The following BCLAF3 variants were observed in gnomAD, a reference collection of about 807,000 sequenced individuals.
The protein encoded by BCLAF3 is BCLAF1 and THRAP3 family member 3, also known as transient octamer binding factor 1.
Under a neutral mutation model 51.2 loss-of-function variants are expected in BCLAF3, and 24 were observed. The ratio of observed to expected loss-of-function variants is 0.47; its 90% CI spans 0.34 to 0.66. The LOEUF is 0.66. Ranked by LOEUF, BCLAF3 falls within the 30% of genes least tolerant of loss-of-function variation. The pLI, the probability that BCLAF3 is intolerant of heterozygous loss-of-function variation, is 0.01. For synonymous variants in BCLAF3, 152 were observed against 176.6 expected (o/e 0.86, Z 1.10); for missense variants, 465 against 525.1 (o/e 0.89, Z 1.12).
chrX:19,986,158 T>C (rs1314511859), intron 1 of BCLAF3, among the ~76,000 whole-genome samples: 2 of 109,697 alleles, frequency 1.8e-5, no homozygotes, highest in African/African-American at 6.6e-5. Context: ...GATGAAAAAA[T>C]TTAAAAATAA....
chrX:19,964,292 G>A (rs750242174), intron 4 of BCLAF3, among the ~76,000 whole-genome samples: 1 of 111,834 alleles, frequency 8.9e-6, no homozygotes, highest in South Asian at 3.7e-4. Context: ...ATCCATAAAT[G>A]GAAGTAATAT....
intron 1 of BCLAF3, among the ~76,000 whole-genome samples, chrX:19,972,276 C>T (rs1183247525): frequency 1.8e-5 from 2 of 111,958 alleles, no homozygotes; most frequent in Non-Finnish European, 3.8e-5. Flanking sequence ...GACAAAACTT[C>T]CTGCTCTGAT....
chrX:19,918,022 T>C (rs2147642043), intron 11 of BCLAF3: 1 of 111,773 alleles, frequency 8.9e-6, no homozygotes, highest in East Asian at 2.8e-4. Flanking sequence ...AAATGGCACA[T>C]TTTTTAGGGA....
chrX:19,950,870 T>C lies in BCLAF3; in HGVS notation c.1630-2A>G, dbSNP rs2071453156. The C allele has an allele frequency of 8.7e-7, 1 of 1,150,997 alleles. No homozygotes were observed. Among genetic ancestry groups the C allele is most frequent in the Non-Finnish European group, 1.2e-6 (1 of 842,643 alleles). The allele number at this position is 1,150,997 out of a possible 1,213,427, so 94.9% of individuals were successfully genotyped here. On this transcript the variant is annotated splice_acceptor_variant, in intron 7 of 11. Transcript: ENST00000379682. LOFTEE classifies it high-confidence loss of function. Reference sequence around the variant, plus strand: ...TGGATCTATTATTTTGATCAGAGTCTGAGGAATTTTGACAGAAGACAAACC... The same window carrying C: ...TGGATCTATTATTTTGATCAGAGTCCGAGGAATTTTGACAGAAGACAAACC...
At chrX:19,971,591 C>T (rs1014077887) in intron 1 of BCLAF3, among the ~76,000 whole-genome samples, 1 of 112,240 alleles carries the variant, frequency 8.9e-6, no homozygotes, top group Non-Finnish European at 1.9e-5. Flanking sequence ...GCTTCGGAAA[C>T]TGAATTTTAA....
intron 4 of BCLAF3, among the ~76,000 whole-genome samples, chrX:19,959,693 G>A (rs776551571): frequency 3.6e-5 from 4 of 110,724 alleles, no homozygotes; most frequent in South Asian, 7.8e-4. Flanking sequence ...TGGGAGGATC[G>A]CTAGAGCCCA....
At chrX:19,928,135 A>C (rs142987013) in intron 11 of BCLAF3, among the ~76,000 whole-genome samples, 2,637 of 108,595 alleles carry the variant, frequency 0.024, 83 homozygotes, top group African/African-American at 0.083. Flanking sequence ...CTCTCTCCTC[A>C]GCCTCCCAAA....
intron 11 of BCLAF3, among the ~76,000 whole-genome samples, chrX:19,927,539 T>C (rs1039839517): frequency 3.6e-5 from 4 of 112,206 alleles, no homozygotes; most frequent in African/African-American, 1.3e-4. Flanking sequence ...TCAATAGCAA[T>C]ACCAGAGATA....
At chrX:19,954,377 A>G (rs1369322768) in intron 5 of BCLAF3, among the ~76,000 whole-genome samples, 1 of 112,831 alleles carries the variant, frequency 8.9e-6, no homozygotes, top group Admixed American at 9.4e-5. Context: ...ATTAAAGTTC[A>G]TGAAAACATT....
intron 8 of BCLAF3, among the ~76,000 whole-genome samples, chrX:19,945,068 G>A (rs927403496): frequency 3.7e-5 from 4 of 108,648 alleles, no homozygotes; most frequent in East Asian, 5.7e-4. Flanking sequence ...TGATCGCATC[G>A]GCTCCTGAGG....
intron 8 of BCLAF3, among the ~76,000 whole-genome samples, chrX:19,945,146 CTGTAT>C (rs2147848250): frequency 9.0e-6 from 1 of 110,932 alleles, no homozygotes; most frequent in Non-Finnish European, 1.9e-5. Flanking sequence ...AAGCAGTTCT[CTGTAT>C]TGGTTATTCT....
chrX:19,951,584 A>T (rs1310914222), intron 7 of BCLAF3, among the ~76,000 whole-genome samples: 8 of 74,319 alleles, frequency 1.1e-4, no homozygotes, highest in Non-Finnish European at 1.8e-4. Flanking sequence ...TGACAGAGTG[A>T]GACTCTGTCG....
At chrX:19,933,003 C>T (rs1317557798) in intron 10 of BCLAF3, among the ~76,000 whole-genome samples, 1 of 112,172 alleles carries the variant, frequency 8.9e-6, no homozygotes, top group Non-Finnish European at 1.9e-5. Context: ...TTTGTTTCCT[C>T]TTTGATAATA....
intron 9 of BCLAF3, 90 bp from the exon 10 acceptor site, chrX:19,935,988 T>C: frequency 1.3e-6 from 1 of 742,828 alleles, no homozygotes. Context: ...ATTTTAAATG[T>C]ACAGGATTAA....
intron 1 of BCLAF3, among the ~76,000 whole-genome samples, chrX:19,983,569 G>A (rs2072692414): frequency 9.1e-6 from 1 of 109,958 alleles, no homozygotes; most frequent in African/African-American, 3.3e-5. Context: ...AAAAAATGTA[G>A]CTGGGCATGG....
chrX:19,980,423 A>G (rs1171811740), intron 1 of BCLAF3, among the ~76,000 whole-genome samples: 1 of 112,213 alleles, frequency 8.9e-6, no homozygotes, highest in Non-Finnish European at 1.9e-5. Flanking sequence ...GAAGTTCCTT[A>G]AACATCAAGG....
rs181558166 is a variant in BCLAF3 at position 19,972,831 on chromosome X, T to C, written c.-34-2533A>G. Among the ~76,000 whole-genome samples, 580 of 112,358 alleles carry C rather than the reference T, an allele frequency of 5.2e-3. 5 individuals carry two copies. Among genetic ancestry groups the C allele is most frequent in the African/African-American group, 0.017 (539 of 30,950 alleles). On this transcript the variant is annotated intron_variant, in intron 1 of 11. Coordinates refer to ENST00000379682, the MANE Select transcript of BCLAF3 (RefSeq NM_001367774.2). ...GTCATCCCTTTTTATGGTAGAATAA[T>C]AGACATTTCATTGTATGGGTACATT...
chrX:19,964,182 G>GC (rs374571378), intron 4 of BCLAF3, among the ~76,000 whole-genome samples: 214 of 109,787 alleles, frequency 1.9e-3, no homozygotes, highest in African/African-American at 6.2e-3. Context: ...AATCAACATG[G>GC]CCCCCCCCTT....
chrX:19,971,754 C>A (rs1230972886), intron 1 of BCLAF3, among the ~76,000 whole-genome samples: 1 of 111,838 alleles, frequency 8.9e-6, no homozygotes, highest in Non-Finnish European at 1.9e-5. Flanking sequence ...CATGAATTAT[C>A]ATATAGCTAC....
Sources: allele counts gnomAD v4.1 joint callset (sites outside exome capture counted in the v4.1 genomes callset), GRCh38; gene constraint gnomAD v4.1.1; transcripts MANE v1.5; gene names NCBI Gene and HGNC (gene_info 2026-07-23, HGNC 2026-07-21).